The following SLC25A13 variants were observed in gnomAD, a reference collection of about 807,000 sequenced individuals.
SLC25A13 encodes the protein electrogenic aspartate/glutamate antiporter SLC25A13, mitochondrial.
A neutral mutation model predicts 85.5 loss-of-function variants in SLC25A13; 70 were observed. That is an observed-to-expected ratio of 0.82 (90% CI 0.68 to 1.00). The LOEUF is 1.00. Ranked by LOEUF, SLC25A13 falls within the 50% of genes least tolerant of loss-of-function variation. SLC25A13 has a pLI of 0.00. For missense variants in SLC25A13, 765 were observed against 819.8 expected (o/e 0.93, Z 0.82); for synonymous variants, 259 against 288.7 (o/e 0.90, Z 1.04).
intron 1 of SLC25A13, among the ~76,000 whole-genome samples, chr7:96,299,099 T>C (rs754837601): frequency 6.6e-6 from 1 of 152,234 alleles, no homozygotes; most frequent in Non-Finnish European, 1.5e-5. Flanking sequence ...AATGAAGTAT[T>C]CTTCGTAATT....
chr7:96,282,393 G>C (rs978717157), intron 2 of SLC25A13, among the ~76,000 whole-genome samples: 1 of 152,152 alleles, frequency 6.6e-6, no homozygotes, highest in Admixed American at 6.6e-5. Flanking sequence ...TACCCATTTT[G>C]TCATGAATCA....
intron 3 of SLC25A13, among the ~76,000 whole-genome samples, chr7:96,241,654 T>A (rs1332011448): frequency 1.3e-5 from 2 of 152,150 alleles, no homozygotes; most frequent in African/African-American, 4.8e-5. Flanking sequence ...AATTTAAGAT[T>A]TTTTTCTGCT....
chr7:96,294,557 T>C (rs1799270879), intron 2 of SLC25A13, among the ~76,000 whole-genome samples: 1 of 149,270 alleles, frequency 6.7e-6, no homozygotes, highest in Non-Finnish European at 1.5e-5. Flanking sequence ...TGCAGTGAGC[T>C]GACATGCGCA....
At chr7:96,209,353 T>TACACATACACACACAC (rs141546528) in intron 4 of SLC25A13, among the ~76,000 whole-genome samples, 4 of 145,444 alleles carry the variant, frequency 2.8e-5, no homozygotes, top group Non-Finnish European at 6.0e-5. Flanking sequence ...GGAAAACACA[T>TACACATACACACACAC]ACACACACAC....
intron 11 of SLC25A13, among the ~76,000 whole-genome samples, chr7:96,171,887 C>T (rs1187493466): frequency 1.3e-5 from 2 of 152,146 alleles, no homozygotes; most frequent in African/African-American, 2.4e-5. Flanking sequence ...GCAGTTAGAA[C>T]ATTTAGTGGA....
chr7:96,292,985 CA>C (rs1264191910), intron 2 of SLC25A13, among the ~76,000 whole-genome samples: 1 of 152,124 alleles, frequency 6.6e-6, no homozygotes, highest in Non-Finnish European at 1.5e-5. Flanking sequence ...AATCCTAAGC[CA>C]AAAGAACAAA....
At chr7:96,129,073 T>C (rs1791888843) in intron 15 of SLC25A13, among the ~76,000 whole-genome samples, 1 of 151,170 alleles carries the variant, frequency 6.6e-6, no homozygotes. Flanking sequence ...TGAGGCCTCC[T>C]GTCAACAGCT....
intron 2 of SLC25A13, among the ~76,000 whole-genome samples, chr7:96,294,712 C>G (rs147309644): frequency 6.6e-6 from 1 of 152,176 alleles, no homozygotes; most frequent in Non-Finnish European, 1.5e-5. Flanking sequence ...GGGTCTCACT[C>G]TGTCATCCAG....
intron 13 of SLC25A13, among the ~76,000 whole-genome samples, chr7:96,156,187 A>G (rs149513891): frequency 6.6e-6 from 1 of 152,264 alleles, no homozygotes; most frequent in Non-Finnish European, 1.5e-5. Context: ...GTACAATATA[A>G]CTGATTTTCA....
chr7:96,288,800 C>T (rs943573185), intron 2 of SLC25A13, among the ~76,000 whole-genome samples: 2 of 152,184 alleles, frequency 1.3e-5, no homozygotes, highest in African/African-American at 2.4e-5. Flanking sequence ...CCCACCACAG[C>T]TCCAGGAGTC....
chr7:96,242,813 T>G (rs1407120187), intron 3 of SLC25A13, among the ~76,000 whole-genome samples: 1 of 152,218 alleles, frequency 6.6e-6, no homozygotes, highest in Non-Finnish European at 1.5e-5. Flanking sequence ...TAAATGTAAT[T>G]GATTGAAATC....
At chr7:96,290,550 A>T (rs930178265) in intron 2 of SLC25A13, among the ~76,000 whole-genome samples, 6 of 151,904 alleles carry the variant, frequency 3.9e-5, no homozygotes, top group African/African-American at 1.5e-4. Context: ...GCAGAGACAC[A>T]CATAGGCTCA....
chr7:96,172,758 C>A (rs1794058477), intron 11 of SLC25A13, among the ~76,000 whole-genome samples: 1 of 151,768 alleles, frequency 6.6e-6, no homozygotes, highest in Non-Finnish European at 1.5e-5. Flanking sequence ...AGGACAAGCG[C>A]CAGTTTGTAT....
intron 5 of SLC25A13, among the ~76,000 whole-genome samples, chr7:96,195,947 C>T (rs527803806): frequency 1.2e-4 from 18 of 152,304 alleles, no homozygotes; most frequent in African/African-American, 3.8e-4. Context: ...CCTGCCTTTA[C>T]ACCTACCTTA....
At chr7:96,151,197 A>T (rs1457496148) in intron 13 of SLC25A13, among the ~76,000 whole-genome samples, 1 of 152,142 alleles carries the variant, frequency 6.6e-6, no homozygotes, top group Non-Finnish European at 1.5e-5. Context: ...TGCCAAGCGA[A>T]ATTTTAATAA....
At chr7:96,192,161 A>G (rs1456830465) in intron 6 of SLC25A13, among the ~76,000 whole-genome samples, 3 of 152,190 alleles carry the variant, frequency 2.0e-5, no homozygotes, top group Non-Finnish European at 4.4e-5. Context: ...CCATGTCTCT[A>G]GAACTAAGGA....
chr7:96,195,611 C>T (rs973939978), intron 5 of SLC25A13, among the ~76,000 whole-genome samples: 3 of 152,174 alleles, frequency 2.0e-5, no homozygotes, highest in Non-Finnish European at 2.9e-5. Context: ...CATACAGACC[C>T]GTCTCTGAAG....
chr7:96,222,010 C>T (rs193167021), intron 4 of SLC25A13, among the ~76,000 whole-genome samples: 1 of 152,254 alleles, frequency 6.6e-6, no homozygotes, highest in East Asian at 1.9e-4. Flanking sequence ...AAAGTTGGTG[C>T]AAATATAATA....
In SLC25A13 at chr7:96,184,990, G is replaced by A. The variant is rs763191789; in HGVS notation, c.955C>T (p.Arg319Ter). Residue 319 changes from arginine to a stop codon, truncating the protein, a stop_gained, in exon 10 of 18, where the codon CGA becomes TGA. Coordinates refer to ENST00000265631, the MANE Select transcript of SLC25A13 (RefSeq NM_014251.3). LOFTEE classifies it high-confidence loss of function. The stretch of plus-strand genomic sequence containing the variant: ...TCTGCAACTTGTAGAAGAACTGGTC[G>A]AGCTGAATCACCTGAGGCCTTCTGC... ...QRQKASGDSA[R>*]PVLLQVAESA... The A allele has an allele frequency of 6.2e-6, 10 of 1,613,978 alleles. No individual in the cohort carries two copies. Among genetic ancestry groups the A allele is most frequent in the African/African-American group, 1.3e-5 (1 of 74,918 alleles).
Sources: gnomAD v4.1 joint callset for allele counts (sites outside exome capture counted in the v4.1 genomes callset) on GRCh38, gnomAD v4.1.1 for gene constraint, MANE v1.5 for transcripts, NCBI Gene and HGNC (gene_info 2026-07-23, HGNC 2026-07-21) for gene names.